Variants in PHF24 observed in about 807,000 individuals in gnomAD.
The protein encoded by PHF24 is Galpha inhibitory interacting protein.
Under a neutral mutation model 42.6 loss-of-function variants are expected in PHF24, and 25 were observed. The observed-to-expected ratio is 0.59, with a 90% confidence interval of 0.43 to 0.82. The LOEUF is 0.82. Ranked by LOEUF, PHF24 falls within the 40% of genes least tolerant of loss-of-function variation. The pLI, the probability that PHF24 is intolerant of heterozygous loss-of-function variation, is 0.00. For missense variants in PHF24, 470 were observed against 538.1 expected, an observed-to-expected ratio of 0.87 and a Z score of 1.25; for synonymous variants, 185 against 204.8, an observed-to-expected ratio of 0.90 and a Z score of 0.83.
the PHF24 span, among the ~76,000 whole-genome samples, chr9:34,914,615 T>C: frequency 6.6e-6 from 1 of 152,188 alleles, no homozygotes; most frequent in Non-Finnish European, 1.5e-5. Flanking sequence ...TCCATGAATC[T>C]CATGTCGGTT....
At chr9:34,922,372 A>G in the PHF24 span, 1 of 1,474,820 alleles carries the variant, frequency 6.8e-7, no homozygotes, top group Non-Finnish European at 9.5e-7. Flanking sequence ...TTCTCTGGGG[A>G]ATTCAGAACG....
At chr9:34,690,174 C>T in the PHF24 span, 17,541 of 1,612,112 alleles carry the variant, frequency 0.011, 220 homozygotes, top group Middle Eastern at 0.041. Flanking sequence ...GGGGCTAAAA[C>T]GGGAGATGAG....
intron 3 of PHF24, among the ~76,000 whole-genome samples, chr9:34,974,592 T>C (rs569608658): frequency 1.3e-5 from 2 of 152,210 alleles, no homozygotes; most frequent in East Asian, 3.9e-4. Flanking sequence ...TCAATGCCCT[T>C]TGTTAGTTTC....
chr9:34,749,686 A>C, the PHF24 span, among the ~76,000 whole-genome samples: 9 of 151,342 alleles, frequency 5.9e-5, no homozygotes, highest in African/African-American at 1.9e-4. Context: ...TACATGTGCC[A>C]TGGTGGCTTG....
At chr9:34,735,886 A>C in the PHF24 span, among the ~76,000 whole-genome samples, 1 of 152,296 alleles carries the variant, frequency 6.6e-6, no homozygotes. Flanking sequence ...AGAGAAACTT[A>C]AGGAACTATG....
the PHF24 span, among the ~76,000 whole-genome samples, chr9:34,759,009 T>C: frequency 6.6e-6 from 1 of 152,136 alleles, no homozygotes; most frequent in South Asian, 2.1e-4. Flanking sequence ...CCCACTGCAC[T>C]CCACCGCTCT....
chr9:34,978,348 C>T (rs1395563161), exon 8 of PHF24: 16 of 545,762 alleles, frequency 2.9e-5, no homozygotes, highest in Non-Finnish European at 5.0e-5. Context: ...CTGGACCGCC[C>T]CTGCCCCACA....
chr9:34,833,297 A>G, the PHF24 span: 1 of 1,551,414 alleles, frequency 6.4e-7, no homozygotes, highest in South Asian at 1.2e-5. Context: ...GGCCTCTGTC[A>G]TGTCCCCACT....
At chr9:34,832,715 C>T in the PHF24 span, 2 of 1,539,404 alleles carry the variant, frequency 1.3e-6, no homozygotes, top group Non-Finnish European at 8.8e-7. Flanking sequence ...TATGGGCTGG[C>T]ATCACCAGCC....
the PHF24 span, among the ~76,000 whole-genome samples, chr9:34,921,392 A>T: frequency 1.2e-4 from 18 of 152,182 alleles, no homozygotes; most frequent in Non-Finnish European, 2.1e-4. Context: ...AACCTAAAAA[A>T]AAAGTTAAAT....
At chr9:34,892,533 C>T in the PHF24 span, 4 of 413,088 alleles carry the variant, frequency 9.7e-6, no homozygotes, top group African/African-American at 2.0e-5. Context: ...CTTGAAGATT[C>T]CTCAGGACTT....
the PHF24 span, chr9:34,724,467 A>T: frequency 1.9e-6 from 3 of 1,551,502 alleles, no homozygotes; most frequent in East Asian, 2.4e-5. Context: ...TTCTGTGTGG[A>T]TATGTTCTCT....
chr9:34,665,785 C>A, the PHF24 span: 2 of 646,598 alleles, frequency 3.1e-6, no homozygotes, highest in Non-Finnish European at 5.6e-6. Flanking sequence ...GAGGCTGATG[C>A]CCCCGAGAAG....
chr9:34,709,252 G>T, the PHF24 span: 13 of 1,026,970 alleles, frequency 1.3e-5, no homozygotes, highest in Non-Finnish European at 1.8e-5. Context: ...GGTGGTTAAA[G>T]CAGGAGAAAG....
chr9:34,961,960 G>GA (rs1414724246), intron 1 of PHF24, among the ~76,000 whole-genome samples: 1 of 152,084 alleles, frequency 6.6e-6, no homozygotes, highest in Non-Finnish European at 1.5e-5. Flanking sequence ...TTTTTTTGAG[G>GA]CTTAGGAGTC....
chr9:34,828,114 C>T, the PHF24 span, among the ~76,000 whole-genome samples: 5 of 152,000 alleles, frequency 3.3e-5, no homozygotes, highest in South Asian at 1.0e-3. Context: ...TTTGCCTCTG[C>T]ATACCATTCC....
the PHF24 span, among the ~76,000 whole-genome samples, chr9:34,842,015 C>T: frequency 2.8e-4 from 43 of 152,334 alleles, 1 homozygote; most frequent in South Asian, 8.5e-3. Flanking sequence ...CTCTTCCAAA[C>T]CATTGATCTA....
chr9:34,974,838 A>G (rs140403749), intron 3 of PHF24, among the ~76,000 whole-genome samples: 9 of 150,906 alleles, frequency 6.0e-5, no homozygotes, highest in Middle Eastern at 3.4e-3. Context: ...CTCTTCCTCC[A>G]CTCCTTATCT....
the PHF24 span, among the ~76,000 whole-genome samples, chr9:34,928,306 G>A: frequency 6.6e-6 from 1 of 151,670 alleles, no homozygotes; most frequent in Non-Finnish European, 1.5e-5. Flanking sequence ...AACTAAAAGA[G>A]TATAATTGGA....
Sources: gnomAD v4.1 joint callset for allele counts (sites outside exome capture counted in the v4.1 genomes callset) on GRCh38, gnomAD v4.1.1 for gene constraint, MANE v1.5 for transcripts, NCBI Gene and HGNC (gene_info 2026-07-23, HGNC 2026-07-21) for gene names.